EP300: variants seen among roughly 807,000 people sequenced by gnomAD.
The protein encoded by EP300 is histone acetyltransferase p300.
EP300 carries 31 observed loss-of-function variants against 264.0 expected under a neutral mutation model. That is an observed-to-expected ratio of 0.12 (90% CI 0.09 to 0.16). The LOEUF (loss-of-function observed/expected upper bound fraction) is 0.16, where lower values mean the gene tolerates loss of function less well. Ranked by LOEUF, EP300 falls within the 10% of genes least tolerant of loss-of-function variation. The probability of loss-of-function intolerance (pLI) is 1.00; values close to 1 mark genes in which losing one functional copy is unlikely to be tolerated. For missense variants in EP300, 2,766 were observed against 3,052.9 expected, an observed-to-expected ratio of 0.91 and a Z score of 2.21; for synonymous variants, 1,340 against 1,045.4, an observed-to-expected ratio of 1.28 and a Z score of -5.44.
At chr22:41,099,010 A>T (rs1218876331) in intron 1 of EP300, among the ~76,000 whole-genome samples, 1 of 152,146 alleles carries the variant, frequency 6.6e-6, no homozygotes, top group Admixed American at 6.5e-5. Flanking sequence ...AACTGTTTTT[A>T]ACTTTACTGC....
rs2058979451 is a variant in EP300, at chr22:41,141,077, A to G, written c.1908A>G (p.Lys636=). The change falls in exon 10 of 31, where the codon AAA becomes AAG. Residue 636 remains lysine, a synonymous_variant. Transcript: ENST00000263253. The part of the protein sequence containing the change: ...RAEYYHLLAE[K]IYKIQKELEE... ...AATACTACCACCTTCTAGCTGAGAA[A>G]ATCTATAAGATCCAGAAAGAACTAG... 14 of 1,614,128 alleles carry G rather than the reference A, an allele frequency of 8.7e-6. No individual in the cohort carries two copies. Among genetic ancestry groups the G allele is most frequent in the Non-Finnish European group, 1.2e-5 (14 of 1,180,004 alleles).
At chr22:41,129,493 T>A (rs2058903991) in intron 4 of EP300, among the ~76,000 whole-genome samples, 1 of 152,222 alleles carries the variant, frequency 6.6e-6, no homozygotes, top group Non-Finnish European at 1.5e-5. Flanking sequence ...TTAATACAAT[T>A]TACTGCAGTC....
rs921708697 is a variant in EP300 at position 41,098,312 on chromosome 22, A to G, written c.94+5214A>G. ...TGAGGTGTTAAGCCTCTTCTGAGCA[A>G]TTTGGATATAATTTGTTTTTAGATC... On this transcript the variant is annotated intron_variant, in intron 1 of 30. Transcript: ENST00000263253. Among the ~76,000 whole-genome samples, 24 of 152,204 alleles carry G rather than the reference A, an allele frequency of 1.6e-4. 1 individual carries two copies. Among genetic ancestry groups the G allele is most frequent in the Admixed American group, 1.4e-3 (22 of 15,274 alleles).
In EP300 at chr22:41,176,872, G is replaced by C. The variant is rs1295866662; in HGVS notation, c.5161G>C (p.Ala1721Pro). 1 of 1,614,020 alleles carries C rather than the reference G, an allele frequency of 6.2e-7. No homozygotes were observed. Among genetic ancestry groups the C allele is most frequent in the African/African-American group, 1.3e-5 (1 of 74,920 alleles). ...GLDDESNNQQ[A>P]AATQSPGDSR... ...AGATGATGAGAGCAACAACCAGCAG[G>C]CTGCAGCCACCCAGAGCCCAGGCGA... The change falls in exon 31 of 31, where the codon GCT becomes CCT. Residue 1721 changes from alanine (A) to proline (P), a missense_variant. Coordinates refer to ENST00000263253, the MANE Select transcript of EP300 (RefSeq NM_001429.4).
chr22:41,160,562 G>A, intron 19 of EP300, 80 bp from the exon 20 acceptor site: 1 of 1,372,868 alleles, frequency 7.3e-7, no homozygotes, highest in Non-Finnish European at 1.0e-6. Context: ...GGCCTGCTGT[G>A]ATTGGTGGCT....
rs1367829827 is a variant in EP300 at position 41,122,574 on chromosome 22, T to C, written c.730-3290T>C. On this transcript the variant is annotated intron_variant, in intron 2 of 30. Coordinates refer to ENST00000263253, the MANE Select transcript of EP300 (RefSeq NM_001429.4). ...TTGTAAATCATTCTTGTAAATTACT[T>C]ACCTTAGTCTCTGAATTTCATCTGG... Among the ~76,000 whole-genome samples the C allele has an allele frequency of 2.6e-5, 4 of 152,348 alleles. No individual in the cohort carries two copies. The East Asian group carries it at 7.7e-4, about 29-fold the overall frequency.
intron 23 of EP300, among the ~76,000 whole-genome samples, chr22:41,167,584 G>GTGTGTATATATATATA (rs869093144): frequency 2.9e-5 from 1 of 34,490 alleles, no homozygotes; most frequent in Non-Finnish European, 4.8e-5. Context: ...GTGTGTGTGT[G>GTGTGTATATATATATA]TATATATATA....
intron 28 of EP300, 93 bp downstream of exon 28, chr22:41,172,756 T>TC: frequency 7.3e-7 from 1 of 1,373,698 alleles, no homozygotes; most frequent in Non-Finnish European, 1.0e-6. Context: ...TTTAAAGCTT[T>TC]CAGGTGTAAA....
chr22:41,171,988 C>G (rs1183302758), intron 27 of EP300, among the ~76,000 whole-genome samples: 4 of 152,172 alleles, frequency 2.6e-5, no homozygotes, highest in Non-Finnish European at 5.9e-5. Flanking sequence ...TTGTCTTCCT[C>G]AATTTAGTAG....
intron 16 of EP300, among the ~76,000 whole-genome samples, chr22:41,154,258 A>G (rs1298316622): frequency 6.6e-6 from 1 of 152,084 alleles, no homozygotes; most frequent in African/African-American, 2.4e-5. Flanking sequence ...TCCTTGTAGT[A>G]TAAGACAATA....
intron 29 of EP300, 166 bp from the exon 30 acceptor site, chr22:41,176,081 G>A (rs2059198727): frequency 1.3e-6 from 1 of 744,952 alleles, no homozygotes; most frequent in African/African-American, 1.7e-5. Flanking sequence ...TTAGCCAGGT[G>A]TGGTGGTGTG....
chr22:41,135,666 AT>A, intron 6 of EP300, 146 bp from the exon 7 acceptor site: 1 of 659,736 alleles, frequency 1.5e-6, no homozygotes, highest in East Asian at 2.8e-5. Context: ...GCCTTTACAT[AT>A]GTGTTGCCAG....
At position 41,179,059 on chromosome 22, in the gene EP300, T is replaced by C. The variant is rs2059223386; in HGVS notation, c.*103T>C. The C allele has an allele frequency of 2.8e-6, 4 of 1,418,600 alleles. No individual in the cohort carries two copies. Among genetic ancestry groups the C allele is most frequent in the Non-Finnish European group, 3.9e-6 (4 of 1,034,604 alleles). 87.9% of individuals were successfully genotyped at this position (1,418,600 alleles called of 1,614,324 possible). ...GAATCTTTCGTAGCCTAAAAGACAATTTTCCTTGGAACACATAAGAACTGT... is the reference window on the plus strand; with the variant it reads ...GAATCTTTCGTAGCCTAAAAGACAACTTTCCTTGGAACACATAAGAACTGT... On this transcript the variant is annotated 3_prime_UTR_variant, in exon 31 of 31. Transcript: ENST00000263253.
Position 41,137,649 on chromosome 22 carries a change from G to A in EP300, c.1623-4G>A. On this transcript the variant is annotated splice_region_variant and splice_polypyrimidine_tract_variant and intron_variant, in intron 7 of 30. Coordinates refer to ENST00000263253, the MANE Select transcript of EP300 (RefSeq NM_001429.4). ...TAAAACTATTTGGTGACCCCTTTTT[G>A]AAGCCCAATGATGAGTGAAAATGCC... The A allele has an allele frequency of 6.2e-7, 1 of 1,611,916 alleles. No individual in the cohort carries two copies. The highest frequency in any genetic ancestry group is 8.5e-7 in the Non-Finnish European group (1 of 1,179,360).
At position 41,170,612 on chromosome 22, in the gene EP300, G is replaced by A. The variant is rs2145767096; in HGVS notation, c.4452+41G>A. 2.0e-6 allele frequency: 3 copies of A among 1,530,634 alleles called. No individual in the cohort carries two copies. In the South Asian group the frequency reaches 3.4e-5, roughly 17 times the overall value. 94.8% of individuals were successfully genotyped at this position (1,530,634 alleles called of 1,614,324 possible). ...GGGGCCAGGTGCTGACAATAGATCTGGAAATGCACTAATGTTGCTGCTCTT... is the reference window on the plus strand; with the variant it reads ...GGGGCCAGGTGCTGACAATAGATCTAGAAATGCACTAATGTTGCTGCTCTT... On this transcript the variant is annotated intron_variant, in intron 27 of 30. Coordinates refer to ENST00000263253, the MANE Select transcript of EP300 (RefSeq NM_001429.4).
At position 41,146,765 on chromosome 22, in the gene EP300, A is replaced by G. The variant is rs757439018; in HGVS notation, c.2080A>G (p.Ile694Val). The change falls in exon 11 of 31, where the codon ATC becomes GTC. Residue 694 changes from isoleucine (I) to valine (V), a missense_variant. Transcript: ENST00000263253. ...SNGPLPDPSM[I>V]RGSVPNQMMP... ...TGGCCCTCTACCTGACCCAAGTATGATCCGTGGCAGTGTGCCAAACCAGAT... is the reference window on the plus strand; with the variant it reads ...TGGCCCTCTACCTGACCCAAGTATGGTCCGTGGCAGTGTGCCAAACCAGAT... 3.1e-6 allele frequency: 5 copies of G among 1,614,026 alleles called. No individual in the cohort carries two copies. Among genetic ancestry groups the G allele is most frequent in the African/African-American group, 2.7e-5 (2 of 74,920 alleles).
Position 41,177,754 on chromosome 22 carries a change from A to C in EP300, c.6043A>C (p.Met2015Leu). ...QLQSGMPRPAMMSVAQHGQPL... is the reference protein window; with the variant it reads ...QLQSGMPRPALMSVAQHGQPL... ...ACAGTCTGGGATGCCAAGGCCAGCC[A>C]TGATGTCAGTGGCCCAGCATGGTCA... Residue 2015 changes from methionine to leucine, a missense_variant, in exon 31 of 31, where the codon ATG (methionine) becomes CTG (leucine). By Grantham distance (15) the Met-to-Leu change is conservative. Coordinates refer to ENST00000263253, the MANE Select transcript of EP300 (RefSeq NM_001429.4). The C allele has an allele frequency of 6.2e-7, 1 of 1,613,948 alleles. No homozygotes were observed. Among genetic ancestry groups the C allele is most frequent in the East Asian group, 2.2e-5 (1 of 44,870 alleles).
intron 10 of EP300, among the ~76,000 whole-genome samples, chr22:41,142,799 C>G (rs1220031717): frequency 6.6e-6 from 1 of 151,848 alleles, no homozygotes; most frequent in East Asian, 1.9e-4. Context: ...GGCAGGAGAA[C>G]AGTGTGAACC....
At chr22:41,109,545 A>G (rs550450916) in intron 1 of EP300, among the ~76,000 whole-genome samples, 74 of 152,320 alleles carry the variant, frequency 4.9e-4, no homozygotes, top group African/African-American at 1.7e-3. Flanking sequence ...CTATCTCCTA[A>G]TAGTGTAATG....
Sources: allele counts gnomAD v4.1 joint callset (sites outside exome capture counted in the v4.1 genomes callset), GRCh38; gene constraint gnomAD v4.1.1; transcripts MANE v1.5; gene names NCBI Gene and HGNC (gene_info 2026-07-23, HGNC 2026-07-21).